NRXN1: variants seen among roughly 807,000 people sequenced by gnomAD.
NRXN1 encodes the protein neurexin-1.
A neutral mutation model predicts 150.9 loss-of-function variants in NRXN1; 39 were observed. The ratio of observed to expected loss-of-function variants is 0.26; its 90% CI spans 0.20 to 0.34. The LOEUF (loss-of-function observed/expected upper bound fraction) is 0.34. Ranked by LOEUF, NRXN1 falls within the 10% of genes least tolerant of loss-of-function variation. NRXN1 has a pLI of 1.00. For synonymous variants in NRXN1, 924 were observed against 757.0 expected, an observed-to-expected ratio of 1.22 and a Z score of -3.62; for missense variants, 1,815 against 1,949.9, an observed-to-expected ratio of 0.93 and a Z score of 1.30.
At chr2:51,000,327 A>G (rs766083674) in intron 2 of NRXN1, among the ~76,000 whole-genome samples, 2 of 152,030 alleles carry the variant, frequency 1.3e-5, no homozygotes, top group Non-Finnish European at 2.9e-5. Flanking sequence ...TTTTCTGAAC[A>G]TCAATTACAT....
chr2:50,371,406 G>C (rs1054228619), intron 17 of NRXN1, among the ~76,000 whole-genome samples: 1 of 151,966 alleles, frequency 6.6e-6, no homozygotes, highest in African/African-American at 2.4e-5. Flanking sequence ...TGATTATCCT[G>C]AGAATATGCC....
rs1197431819 is a variant in NRXN1, at chr2:51,027,820, C to T, written c.454G>A (p.Gly152Ser). 11 of 1,613,280 alleles carry T rather than the reference C, an allele frequency of 6.8e-6. No individual in the cohort carries two copies. The highest frequency in any genetic ancestry group is 1.3e-5 in the African/African-American group (1 of 74,918). ...GGGGGCAGCCCCCCGACGAAAAGGC[C>T]GCTGAACACCGTCATGTCCCTGCGC... ...SKRRDMTVFS[G>S]LFVGGLPPEL... Residue 152 changes from glycine (G) to serine (S), a missense_variant, in exon 2 of 23, where the codon GGC becomes AGC. Gly to Ser is a moderately conservative substitution (Grantham distance 56). Transcript: ENST00000401669.
Position 50,497,644 on chromosome 2 carries a change from C to A in NRXN1, c.2568G>T (p.Arg856=). 1 of 1,613,794 alleles carries A rather than the reference C, an allele frequency of 6.2e-7. No individual in the cohort carries two copies. The highest frequency in any genetic ancestry group is 8.5e-7 in the Non-Finnish European group (1 of 1,179,730). The part of the protein sequence containing the change: ...NIETGIITER[R]YLSSVPSNFI... The stretch of plus-strand genomic sequence containing the variant: ...AGTTGGAGGGGACAGAAGAAAGATA[C>A]CGTCGTTCTGTGATGATGCCAGTCT... Residue 856 remains arginine (R), a synonymous_variant, in exon 14 of 23, where the codon CGG becomes CGT. Transcript: ENST00000401669.
At chr2:50,658,411 GGTGT>G (rs58970263) in intron 5 of NRXN1, among the ~76,000 whole-genome samples, 3 of 144,678 alleles carry the variant, frequency 2.1e-5, no homozygotes, top group East Asian at 2.1e-4. Flanking sequence ...TGCATTCACT[GGTGT>G]GTGTGTGTGT....
chr2:50,108,118 T>C (rs1211069982), intron 18 of NRXN1, among the ~76,000 whole-genome samples: 1 of 152,032 alleles, frequency 6.6e-6, no homozygotes, highest in Non-Finnish European at 1.5e-5. Flanking sequence ...TTACCAGTGA[T>C]GAAATCTGTT....
At chr2:49,977,749 G>C (rs915588409) in intron 21 of NRXN1, among the ~76,000 whole-genome samples, 14 of 152,130 alleles carry the variant, frequency 9.2e-5, no homozygotes, top group African/African-American at 3.4e-4. Flanking sequence ...TGCTGTGATA[G>C]GTCAAGTTAT....
intron 17 of NRXN1, among the ~76,000 whole-genome samples, chr2:50,450,130 G>C (rs1213473896): frequency 6.6e-6 from 1 of 152,116 alleles, no homozygotes; most frequent in Non-Finnish European, 1.5e-5. Context: ...GTCTTGCTCT[G>C]TGATCACTTT....
At chr2:50,369,150 A>G (rs912711024) in intron 17 of NRXN1, among the ~76,000 whole-genome samples, 2 of 151,970 alleles carry the variant, frequency 1.3e-5, no homozygotes, top group African/African-American at 2.4e-5. Flanking sequence ...CTATAATCCT[A>G]TATATTTTCA....
intron 12 of NRXN1, among the ~76,000 whole-genome samples, chr2:50,524,475 T>A (rs2092886605): frequency 1.5e-5 from 2 of 131,228 alleles, no homozygotes; most frequent in South Asian, 2.7e-4. Flanking sequence ...CAAGAGTCCA[T>A]CTCATAAATA....
intron 5 of NRXN1, chr2:50,898,580 G>T: frequency 4.1e-6 from 2 of 486,478 alleles, no homozygotes; most frequent in Non-Finnish European, 8.2e-6. Context: ...GGGATATTGT[G>T]CTCTTCCTAG....
intron 5 of NRXN1, among the ~76,000 whole-genome samples, chr2:50,691,735 C>G (rs1221877733): frequency 1.3e-5 from 2 of 152,224 alleles, no homozygotes; most frequent in East Asian, 3.9e-4. Context: ...ATCACCAGAT[C>G]TCTTTAGTTA....
intron 8 of NRXN1, among the ~76,000 whole-genome samples, chr2:50,564,612 C>T (rs1414237046): frequency 6.6e-6 from 1 of 152,062 alleles, no homozygotes; most frequent in Non-Finnish European, 1.5e-5. Context: ...TAGCTGGATG[C>T]AAATACTTGT....
intron 5 of NRXN1, among the ~76,000 whole-genome samples, chr2:50,671,877 G>C (rs1688902996): frequency 6.6e-6 from 1 of 151,656 alleles, no homozygotes; most frequent in South Asian, 2.1e-4. Flanking sequence ...TTATGATAGG[G>C]ACAAACCCAA....
At chr2:50,893,543 C>T (rs936751161) in intron 5 of NRXN1, among the ~76,000 whole-genome samples, 3 of 152,060 alleles carry the variant, frequency 2.0e-5, no homozygotes, top group Admixed American at 6.6e-5. Context: ...AGAAGCTATT[C>T]TGATATTTGA....
At chr2:50,158,064 AGTGTGTGTGTGT>A (rs71401060) in intron 18 of NRXN1, among the ~76,000 whole-genome samples, 1,973 of 134,046 alleles carry the variant, frequency 0.015, 41 homozygotes, top group African/African-American at 0.044. Flanking sequence ...TAAGAAGTTG[AGTGTGTGTGTGT>A]GTGTGTGTGT....
chr2:50,301,063 G>T (rs1009391249), intron 17 of NRXN1, among the ~76,000 whole-genome samples: 2 of 152,092 alleles, frequency 1.3e-5, no homozygotes, highest in Admixed American at 1.3e-4. Context: ...TACAAAAAGA[G>T]CTGGAACTCC....
At chr2:49,946,500 T>A (rs535799730) in intron 21 of NRXN1, among the ~76,000 whole-genome samples, 3 of 151,928 alleles carry the variant, frequency 2.0e-5, no homozygotes, top group Non-Finnish European at 4.4e-5. Flanking sequence ...TCTTCTAGGG[T>A]TTTTTATGGT....
intron 21 of NRXN1, chr2:49,974,145 C>T (rs1022484957): frequency 3.5e-5 from 25 of 712,982 alleles, no homozygotes; most frequent in Non-Finnish European, 5.2e-5. Context: ...AAATTGCCTG[C>T]GCATCAGCCC....
chr2:50,451,242 T>G lies in NRXN1; in HGVS notation c.3364+14200A>C, dbSNP rs1202122685. On this transcript the variant is annotated intron_variant, in intron 17 of 22. Coordinates refer to ENST00000401669, the MANE Select transcript of NRXN1 (RefSeq NM_001330078.2). Reference sequence around the variant, plus strand: ...GTTTGGCCTCCTAAAGTGCTGGTATTACAGGCGTGAGTCACCACGCCTGGC... The same window carrying G: ...GTTTGGCCTCCTAAAGTGCTGGTATGACAGGCGTGAGTCACCACGCCTGGC... Among the ~76,000 whole-genome samples, 3 of 152,332 alleles carry G rather than the reference T, an allele frequency of 2.0e-5. 1 individual carries two copies. Among genetic ancestry groups the G allele is most frequent in the Non-Finnish European group, 4.4e-5 (3 of 68,024 alleles).
Sources: gnomAD v4.1 joint callset for allele counts (sites outside exome capture counted in the v4.1 genomes callset) on GRCh38, gnomAD v4.1.1 for gene constraint, MANE v1.5 for transcripts, NCBI Gene and HGNC (gene_info 2026-07-23, HGNC 2026-07-21) for gene names.